Variants in GRID2 observed in about 807,000 individuals in gnomAD.
GRID2 encodes glutamate ionotropic receptor delta type subunit 2.
In GRID2, 33 loss-of-function variants were observed where a neutral mutation model predicts 114.8. That is an observed-to-expected ratio of 0.29 (90% CI 0.22 to 0.38). The LOEUF is 0.38. GRID2 is among the 10% of genes least tolerant of loss of function. GRID2 has a pLI of 1.00. For missense variants in GRID2, 1,184 were observed against 1,257.7 expected, an observed-to-expected ratio of 0.94 and a Z score of 0.89; for synonymous variants, 505 against 449.9, an observed-to-expected ratio of 1.12 and a Z score of -1.55.
At position 92,881,230 on chromosome 4, in the gene GRID2, A is replaced by C. The variant is rs145514569; in HGVS notation, c.245-203765A>C. 3.1e-4 allele frequency among the ~76,000 whole-genome samples: 47 copies of C among 152,212 alleles called. No homozygotes were observed. In the East Asian group the frequency reaches 8.1e-3, roughly 26 times the overall value. On this transcript the variant is annotated intron_variant, in intron 2 of 15. Coordinates refer to ENST00000282020, the MANE Select transcript of GRID2 (RefSeq NM_001510.4). ...TTTTTTTCTTTAACAATAAAAATAC[A>C]CTCACTCATTCACCAATTCAATGTT... is the stretch of plus-strand genomic sequence containing the variant.
intron 13 of GRID2, among the ~76,000 whole-genome samples, chr4:93,524,173 G>A (rs1249985527): frequency 1.3e-5 from 2 of 151,982 alleles, no homozygotes; most frequent in Non-Finnish European, 2.9e-5. Flanking sequence ...AATGGCTTGG[G>A]GTAAAACAAG....
intron 4 of GRID2, among the ~76,000 whole-genome samples, chr4:93,160,377 T>A (rs1737578902): frequency 6.6e-6 from 1 of 151,822 alleles, no homozygotes; most frequent in African/African-American, 2.4e-5. Flanking sequence ...GTCTCGAGTC[T>A]TAAAAAAAAG....
chr4:93,404,198 A>T (rs182499639), intron 9 of GRID2, among the ~76,000 whole-genome samples: 46 of 152,242 alleles, frequency 3.0e-4, no homozygotes, highest in Non-Finnish European at 5.7e-4. Context: ...CACAGGGGCA[A>T]AAAGTAATTC....
chr4:93,125,788 G>T (rs896038728), intron 4 of GRID2, among the ~76,000 whole-genome samples: 3 of 151,944 alleles, frequency 2.0e-5, no homozygotes, highest in African/African-American at 4.8e-5. Flanking sequence ...AAAGATGAAG[G>T]GTGGGTTTAG....
chr4:92,570,154 C>A (rs1429287125), intron 1 of GRID2, among the ~76,000 whole-genome samples: 1 of 152,020 alleles, frequency 6.6e-6, no homozygotes, highest in African/African-American at 2.4e-5. Flanking sequence ...AGGAAGGGGT[C>A]CAGTTTCAGT....
At chr4:92,737,531 T>A (rs536989258) in intron 2 of GRID2, among the ~76,000 whole-genome samples, 1 of 152,260 alleles carries the variant, frequency 6.6e-6, no homozygotes, top group South Asian at 2.1e-4. Flanking sequence ...TTCTCCTTCA[T>A]AAGTCCTTAT....
intron 2 of GRID2, among the ~76,000 whole-genome samples, chr4:92,922,572 T>A (rs1200402660): frequency 6.6e-6 from 1 of 152,128 alleles, no homozygotes; most frequent in Non-Finnish European, 1.5e-5. Flanking sequence ...CAAATATGGT[T>A]TTAATATGAA....
chr4:92,377,534 C>T (rs2110230377), intron 1 of GRID2, among the ~76,000 whole-genome samples: 1 of 152,278 alleles, frequency 6.6e-6, no homozygotes, highest in African/African-American at 2.4e-5. Flanking sequence ...AACTTGCTTC[C>T]ACATTGTCAT....
chr4:92,575,035 G>C (rs1000817599), intron 1 of GRID2, among the ~76,000 whole-genome samples: 2 of 151,614 alleles, frequency 1.3e-5, no homozygotes, highest in Non-Finnish European at 2.9e-5. Context: ...CTCTATTCTT[G>C]TCTGACTCTC....
chr4:92,884,738 T>C, intron 2 of GRID2: 1 of 246,958 alleles, frequency 4.0e-6, no homozygotes, highest in South Asian at 5.3e-5. Context: ...CCTTTAATGT[T>C]CACTTGAAGG....
chr4:93,273,127 G>A (rs1025093468), intron 8 of GRID2, among the ~76,000 whole-genome samples: 1 of 152,162 alleles, frequency 6.6e-6, no homozygotes, highest in African/African-American at 2.4e-5. Flanking sequence ...TATTTATGCA[G>A]TTATTGTTCA....
intron 11 of GRID2, among the ~76,000 whole-genome samples, chr4:93,470,028 G>A (rs1167275451): frequency 6.6e-6 from 1 of 152,046 alleles, no homozygotes; most frequent in Non-Finnish European, 1.5e-5. Context: ...TTCTGAGCTT[G>A]TATTGACCCA....
intron 1 of GRID2, among the ~76,000 whole-genome samples, chr4:92,546,317 A>T (rs543799835): frequency 9.9e-5 from 15 of 152,282 alleles, no homozygotes; most frequent in South Asian, 4.1e-4. Flanking sequence ...CATGAATGTG[A>T]TCATTTAGAT....
chr4:93,298,579 A>T (rs1754552853), intron 8 of GRID2, among the ~76,000 whole-genome samples: 1 of 152,256 alleles, frequency 6.6e-6, no homozygotes, highest in Non-Finnish European at 1.5e-5. Flanking sequence ...ACAAACATTC[A>T]TTACATAACA....
intron 2 of GRID2, among the ~76,000 whole-genome samples, chr4:92,614,484 A>G (rs557947455): frequency 1.3e-5 from 2 of 151,606 alleles, no homozygotes; most frequent in Non-Finnish European, 1.5e-5. Context: ...TATTTCACCA[A>G]TGGGTGCATT....
intron 11 of GRID2, among the ~76,000 whole-genome samples, chr4:93,461,183 A>G (rs1369620878): frequency 1.3e-5 from 2 of 152,184 alleles, no homozygotes; most frequent in Non-Finnish European, 2.9e-5. Flanking sequence ...ATACAAATTT[A>G]TAATGACAGA....
intron 8 of GRID2, among the ~76,000 whole-genome samples, chr4:93,247,215 T>G (rs898503689): frequency 8.5e-5 from 13 of 152,158 alleles, no homozygotes; most frequent in African/African-American, 2.9e-4. Flanking sequence ...AAATCTGAAC[T>G]GTTTGCTTGT....
chr4:92,371,866 C>T (rs1289356376), intron 1 of GRID2, among the ~76,000 whole-genome samples: 2 of 152,018 alleles, frequency 1.3e-5, no homozygotes, highest in Non-Finnish European at 2.9e-5. Context: ...AAGGATTTAC[C>T]ATTCAAGATG....
chr4:92,530,356 T>C (rs1261161835), intron 1 of GRID2, among the ~76,000 whole-genome samples: 1 of 151,714 alleles, frequency 6.6e-6, no homozygotes, highest in Non-Finnish European at 1.5e-5. Context: ...TGTGATGCAA[T>C]AGGAAAAGGA....
Sources: allele counts gnomAD v4.1 joint callset (sites outside exome capture counted in the v4.1 genomes callset), GRCh38; gene constraint gnomAD v4.1.1; transcripts MANE v1.5; gene names NCBI Gene and HGNC (gene_info 2026-07-23, HGNC 2026-07-21).